The following GAN variants were observed in gnomAD, a reference collection of about 807,000 sequenced individuals.
GAN encodes gigaxonin, also known as epididymis secretory sperm binding protein.
Under a neutral mutation model 71.3 loss-of-function variants are expected in GAN, and 48 were observed. The observed-to-expected ratio is 0.67, with a 90% confidence interval of 0.53 to 0.86. The LOEUF (loss-of-function observed/expected upper bound fraction) is 0.86, where lower values mean the gene tolerates loss of function less well. GAN is among the 40% of genes least tolerant of loss of function. GAN has a pLI of 0.00. For synonymous variants in GAN, 386 were observed against 276.8 expected, an observed-to-expected ratio of 1.39 and a Z score of -3.92; for missense variants, 928 against 770.1, an observed-to-expected ratio of 1.21 and a Z score of -2.43.
rs200045368 is a variant in GAN at position 81,354,452 on chromosome 16, C to T, written c.330C>T (p.Asp110=). The change falls in exon 3 of 11, where the codon GAC becomes GAT. Residue 110 remains aspartate, a synonymous_variant. Coordinates refer to ENST00000648994, the MANE Select transcript of GAN (RefSeq NM_022041.4). The stretch of plus-strand genomic sequence containing the variant: ...TCCAAGATGTTGTTCAGGCAGCTGA[C>T]CTGCTGCTACTGACGGACCTTAAAA... ...DTIQDVVQAA[D]LLLLTDLKTL... is the part of the protein sequence containing the mutation. 9.9e-6 allele frequency: 16 copies of T among 1,613,598 alleles called. No individual in the cohort carries two copies. The highest frequency in any genetic ancestry group is 1.4e-5 in the Non-Finnish European group (16 of 1,179,510).
rs1904505072 is a variant in GAN at position 81,389,567 on chromosome 16, G to A, written c.*11971G>A. The A allele has an allele frequency of 6.6e-6, 1 of 152,240 alleles. No individual in the cohort carries two copies. The highest frequency in any genetic ancestry group is 6.5e-5 in the Admixed American group (1 of 15,284). 9.4% of individuals were successfully genotyped at this position (152,240 alleles called of 1,614,324 possible). Reference sequence around the variant, plus strand: ...GGTAGGCGTAGGCAGACTTCATTGTGTGTTAGCAGTGACAGTGATGTCTGT... The same window carrying A: ...GGTAGGCGTAGGCAGACTTCATTGTATGTTAGCAGTGACAGTGATGTCTGT... On this transcript the variant is annotated 3_prime_UTR_variant, in exon 11 of 11. Coordinates refer to ENST00000648994, the MANE Select transcript of GAN (RefSeq NM_022041.4).
At chr16:81,351,479 A>G (rs1910297725) in intron 1 of GAN, 104 bp from the exon 2 acceptor site, 1 of 697,690 alleles carries the variant, frequency 1.4e-6, no homozygotes, top group Admixed American at 2.1e-5. Context: ...GTGGGGATTC[A>G]TATACTGATA....
intron 9 of GAN, among the ~76,000 whole-genome samples, chr16:81,371,686 C>G (rs1019525603): frequency 2.0e-5 from 3 of 152,202 alleles, no homozygotes; most frequent in East Asian, 3.9e-4. Context: ...CCTGGTTGCC[C>G]CAAGACCCCT....
At chr16:81,362,732 C>G in intron 6 of GAN, 121 bp downstream of exon 6, 1 of 716,184 alleles carries the variant, frequency 1.4e-6, no homozygotes. Flanking sequence ...GCCTCATTCG[C>G]TCCAACCTCT....
chr16:81,351,415 A>G (rs192761504), intron 1 of GAN, among the ~76,000 whole-genome samples, 168 bp from the exon 2 acceptor site: 7 of 152,282 alleles, frequency 4.6e-5, no homozygotes, highest in South Asian at 2.1e-4. Context: ...AATGTTTTGT[A>G]GTTGAAAGTT....
rs1567490108 is a variant in GAN at position 81,351,564 on chromosome 16, A to G, written c.168-19A>G. ...TTCTGTTCTTTCATAGAAATTTTACATTTTTTTCCCTTTCTTAGGACAAAG... is the reference window on the plus strand; with the variant it reads ...TTCTGTTCTTTCATAGAAATTTTACGTTTTTTTCCCTTTCTTAGGACAAAG... On this transcript the variant is annotated intron_variant, in intron 1 of 10. Transcript: ENST00000648994. 3 of 1,017,264 alleles carry G rather than the reference A, an allele frequency of 2.9e-6. No individual in the cohort carries two copies. Among genetic ancestry groups the G allele is most frequent in the Non-Finnish European group, 4.7e-6 (3 of 635,258 alleles). The allele number at this position is 1,017,264 out of a possible 1,614,324, so 63.0% of individuals were successfully genotyped here.
At position 81,357,870 on chromosome 16, in the gene GAN, G is replaced by A. The variant is rs1396369241; in HGVS notation, c.912G>A (p.Gln304=). Residue 304 remains glutamine, a synonymous_variant, in exon 5 of 11, where the codon CAG becomes CAA. Transcript: ENST00000648994. ...CMCPLYDPNR[Q]LWIELAPLSM... ...GCCCTCTCTATGACCCTAACAGGCAGCTTTGGATCGAACTGGCCCCTTTAA... is the reference window on the plus strand; with the variant it reads ...GCCCTCTCTATGACCCTAACAGGCAACTTTGGATCGAACTGGCCCCTTTAA... 6.2e-7 allele frequency: 1 copy of A among 1,613,578 alleles called. No individual in the cohort carries two copies. The highest frequency in any genetic ancestry group is 1.7e-5 in the Admixed American group (1 of 60,024).
chr16:81,351,416 G>A (rs753427752), intron 1 of GAN, among the ~76,000 whole-genome samples, 167 bp from the exon 2 acceptor site: 2 of 152,106 alleles, frequency 1.3e-5, no homozygotes, highest in Non-Finnish European at 2.9e-5. Flanking sequence ...ATGTTTTGTA[G>A]TTGAAAGTTA....
rs186371885 is a variant in GAN at position 81,389,580 on chromosome 16, C to T, written c.*11984C>T. The stretch of plus-strand genomic sequence containing the variant: ...AGACTTCATTGTGTGTTAGCAGTGA[C>T]AGTGATGTCTGTACCTATCTGTGAG... On this transcript the variant is annotated 3_prime_UTR_variant, in exon 11 of 11. Transcript: ENST00000648994. 134 of 152,358 alleles carry T rather than the reference C, an allele frequency of 8.8e-4. No individual in the cohort carries two copies. Among genetic ancestry groups the T allele is most frequent in the African/African-American group, 3.1e-3 (130 of 41,564 alleles). 9.4% of individuals were successfully genotyped at this position (152,358 alleles called of 1,614,324 possible).
chr16:81,341,959 G>C (rs1909957583), intron 1 of GAN, among the ~76,000 whole-genome samples: 1 of 151,992 alleles, frequency 6.6e-6, no homozygotes, highest in Admixed American at 6.6e-5. Context: ...CAAATGGAAA[G>C]CAGAAGAAGC....
At chr16:81,339,705 A>G (rs1346245914) in intron 1 of GAN, among the ~76,000 whole-genome samples, 1 of 152,210 alleles carries the variant, frequency 6.6e-6, no homozygotes, top group African/African-American at 2.4e-5. Context: ...ACAAAGAGGT[A>G]AGGGCGGAGG....
chr16:81,374,490 G>A (rs1210379425), intron 9 of GAN, among the ~76,000 whole-genome samples: 1 of 152,152 alleles, frequency 6.6e-6, no homozygotes, highest in African/African-American at 2.4e-5. Context: ...CATTCCTTCT[G>A]CATTTATTAA....
intron 1 of GAN, among the ~76,000 whole-genome samples, chr16:81,321,692 A>G (rs1567478029): frequency 6.6e-6 from 1 of 152,228 alleles, no homozygotes; most frequent in Admixed American, 6.5e-5. Flanking sequence ...GTGCCATGCA[A>G]TAAGTTCTTC....
chr16:81,344,083 C>T (rs899035303), intron 1 of GAN, among the ~76,000 whole-genome samples: 19 of 152,132 alleles, frequency 1.2e-4, no homozygotes, highest in African/African-American at 2.4e-5. Context: ...TCAAGGAGAA[C>T]TACAAACCAC....
chr16:81,348,154 T>G (rs1207775384), intron 1 of GAN, among the ~76,000 whole-genome samples: 1 of 152,212 alleles, frequency 6.6e-6, no homozygotes, highest in East Asian at 1.9e-4. Flanking sequence ...TCATATTTTC[T>G]GCCTTTGTCT....
chr16:81,358,369 G>A (rs1490065947), intron 5 of GAN, among the ~76,000 whole-genome samples: 9 of 152,270 alleles, frequency 5.9e-5, no homozygotes, highest in African/African-American at 1.9e-4. Context: ...AATCCCCGCA[G>A]TTTAGGAGGC....
intron 1 of GAN, among the ~76,000 whole-genome samples, chr16:81,321,648 A>C (rs567019058): frequency 6.6e-6 from 1 of 152,190 alleles, no homozygotes; most frequent in South Asian, 2.1e-4. Context: ...AGGAAAACAT[A>C]ATTAGGACAA....
At chr16:81,376,451 C>G (rs887478671) in intron 9 of GAN, among the ~76,000 whole-genome samples, 1 of 140,382 alleles carries the variant, frequency 7.1e-6, no homozygotes, top group South Asian at 2.2e-4. Flanking sequence ...AATATCCCAT[C>G]TTTATACATA....
chr16:81,324,240 G>C (rs1360064776), intron 1 of GAN, among the ~76,000 whole-genome samples: 2 of 152,204 alleles, frequency 1.3e-5, no homozygotes, highest in African/African-American at 2.4e-5. Flanking sequence ...TTTGTTCATT[G>C]CCCTTTCTAG....
Sources: allele counts gnomAD v4.1 joint callset (sites outside exome capture counted in the v4.1 genomes callset), GRCh38; gene constraint gnomAD v4.1.1; transcripts MANE v1.5; gene names NCBI Gene and HGNC (gene_info 2026-07-23, HGNC 2026-07-21).